SLC8A1: variants seen among roughly 807,000 people sequenced by gnomAD.
SLC8A1 encodes solute carrier family 8 member A1.
In SLC8A1, 18 loss-of-function variants were observed where a neutral mutation model predicts 68.3. That is an observed-to-expected ratio of 0.26 (90% CI 0.18 to 0.39). The LOEUF is 0.39. Among genes scored for constraint, SLC8A1 ranks in the 10% least tolerant of loss-of-function variants. SLC8A1 has a pLI of 1.00. For missense variants in SLC8A1, 985 were observed against 1,156.7 expected, an observed-to-expected ratio of 0.85 and a Z score of 2.15; for synonymous variants, 475 against 415.5, an observed-to-expected ratio of 1.14 and a Z score of -1.74.
chr2:40,387,990 A>G (rs2192774), intron 2 of SLC8A1, among the ~76,000 whole-genome samples: 75,252 of 149,706 alleles, frequency 0.5, 19,507 homozygotes, highest in African/African-American at 0.56. Flanking sequence ...GCTACTAAGG[A>G]AATCTCTCAT....
At chr2:40,507,540 A>G (rs892594378) in intron 1 of SLC8A1, among the ~76,000 whole-genome samples, 1 of 152,050 alleles carries the variant, frequency 6.6e-6, no homozygotes, top group African/African-American at 2.4e-5. Context: ...AACACTACTG[A>G]ATATCTTTCA....
At chr2:40,258,356 C>G (rs1339549734) in intron 2 of SLC8A1, among the ~76,000 whole-genome samples, 2 of 152,172 alleles carry the variant, frequency 1.3e-5, no homozygotes, top group Non-Finnish European at 2.9e-5. Flanking sequence ...AGCCACTTAC[C>G]TTCAGACGTC....
chr2:40,381,870 C>T (rs1252548621), intron 2 of SLC8A1, among the ~76,000 whole-genome samples: 2 of 151,848 alleles, frequency 1.3e-5, no homozygotes, highest in African/African-American at 4.8e-5. Context: ...TGTTCACCAA[C>T]TCCTCTTCCA....
intron 4 of SLC8A1, among the ~76,000 whole-genome samples, chr2:40,167,879 C>A (rs1205116875): frequency 6.6e-6 from 1 of 152,022 alleles, no homozygotes; most frequent in East Asian, 1.9e-4. Flanking sequence ...TATAAATATC[C>A]AGCACATAAA....
In SLC8A1 at chr2:40,156,192, G is replaced by C. The variant is rs531111083; in HGVS notation, c.2161+4573C>G. Among the ~76,000 whole-genome samples the C allele has an allele frequency of 1.6e-4, 25 of 152,298 alleles. No homozygotes were observed. In the South Asian group the frequency reaches 5.0e-3, roughly 30 times the overall value. ...AAAATCCCCATCAGGGCTACTGTAG[G>C]ACTATAATGGCCATCGACAGAGCTC... On this transcript the variant is annotated intron_variant, in intron 6 of 7. Transcript: ENST00000406785.
chr2:40,486,899 G>A (rs1330434313), intron 1 of SLC8A1, among the ~76,000 whole-genome samples: 3 of 119,974 alleles, frequency 2.5e-5, no homozygotes, highest in Non-Finnish European at 4.8e-5. Context: ...TAGAGACATG[G>A]ATGAAGCTGG....
intron 1 of SLC8A1, among the ~76,000 whole-genome samples, chr2:40,495,617 A>G (rs1026669485): frequency 3.9e-5 from 6 of 152,052 alleles, no homozygotes; most frequent in African/African-American, 1.4e-4. Flanking sequence ...AAATCTACCA[A>G]TCTATTATCT....
chr2:40,262,477 G>C (rs958487766), intron 2 of SLC8A1, among the ~76,000 whole-genome samples: 1 of 152,114 alleles, frequency 6.6e-6, no homozygotes, highest in Non-Finnish European at 1.5e-5. Context: ...GGAAAATCCA[G>C]CAATATCTAA....
intron 1 of SLC8A1, among the ~76,000 whole-genome samples, chr2:40,484,810 T>C (rs761362178): frequency 6.6e-6 from 1 of 152,112 alleles, no homozygotes; most frequent in Admixed American, 6.6e-5. Flanking sequence ...GAGGAGCTGG[T>C]GGAGGGTCAT....
intron 2 of SLC8A1, among the ~76,000 whole-genome samples, chr2:40,256,606 T>C (rs2063962279): frequency 6.6e-6 from 1 of 152,230 alleles, no homozygotes; most frequent in South Asian, 2.1e-4. Flanking sequence ...TGCTCCATAA[T>C]AATGCTAAGT....
At chr2:40,454,087 A>AT (rs1310497413), upstream of SLC8A1, among the ~76,000 whole-genome samples, 2 of 152,354 alleles carry the variant, frequency 1.3e-5, no homozygotes, top group East Asian at 3.9e-4. Flanking sequence ...CTCTTTTAGA[A>AT]TATGTCCTCT....
In SLC8A1 at chr2:40,372,157, G is replaced by A. The variant is rs186521412; in HGVS notation, c.1808+56316C>T. Among the ~76,000 whole-genome samples the A allele has an allele frequency of 2.0e-4, 31 of 152,172 alleles. No individual in the cohort carries two copies. In the East Asian group the frequency reaches 6.0e-3, roughly 30 times the overall value. ...TTTATAATAATCACATTCAACCCTAGACTTTCCTCTAAGAATCTAAACAGA... is the reference window on the plus strand; with the variant it reads ...TTTATAATAATCACATTCAACCCTAAACTTTCCTCTAAGAATCTAAACAGA... On this transcript the variant is annotated intron_variant, in intron 2 of 7. Transcript: ENST00000406785.
chr2:40,298,136 C>A (rs1401426277), intron 2 of SLC8A1, among the ~76,000 whole-genome samples: 3 of 152,148 alleles, frequency 2.0e-5, no homozygotes, highest in Non-Finnish European at 4.4e-5. Context: ...CCCACCTCAG[C>A]CTCCCAAAGT....
At chr2:40,314,927 T>C (rs976413767) in intron 2 of SLC8A1, among the ~76,000 whole-genome samples, 2 of 152,028 alleles carry the variant, frequency 1.3e-5, no homozygotes, top group African/African-American at 2.4e-5. Context: ...TAAATAATCA[T>C]GTTGTCTACG....
chr2:40,433,888 T>C (rs1698883774), intron 1 of SLC8A1, among the ~76,000 whole-genome samples: 1 of 152,144 alleles, frequency 6.6e-6, no homozygotes, highest in Non-Finnish European at 1.5e-5. Flanking sequence ...AAAAGTCTTG[T>C]GGAAGGTTTC....
intron 2 of SLC8A1, among the ~76,000 whole-genome samples, chr2:40,273,292 C>T (rs956797809): frequency 6.6e-6 from 1 of 151,250 alleles, no homozygotes; most frequent in East Asian, 1.9e-4. Context: ...GGGGTTTCTT[C>T]ATGTTGGTCA....
chr2:40,101,671 C>A (rs73927105), exon 8 of SLC8A1: 1 of 152,090 alleles, frequency 6.6e-6, no homozygotes, highest in African/African-American at 2.4e-5. Flanking sequence ...AAAGAACCTA[C>A]CTTTTAAGCA....
At chr2:40,416,177 C>T (rs896516485) in intron 2 of SLC8A1, among the ~76,000 whole-genome samples, 1 of 151,798 alleles carries the variant, frequency 6.6e-6, no homozygotes, top group African/African-American at 2.4e-5. Flanking sequence ...ATTAATAGTG[C>T]CCTCTTTTAC....
intron 2 of SLC8A1, among the ~76,000 whole-genome samples, chr2:40,230,792 A>G (rs1344511730): frequency 6.6e-6 from 1 of 152,218 alleles, no homozygotes; most frequent in Non-Finnish European, 1.5e-5. Context: ...ACAGATTACT[A>G]TGATGGTTCT....
Sources: gnomAD v4.1 joint callset for allele counts (sites outside exome capture counted in the v4.1 genomes callset) on GRCh38, gnomAD v4.1.1 for gene constraint, MANE v1.5 for transcripts, NCBI Gene and HGNC (gene_info 2026-07-23, HGNC 2026-07-21) for gene names.